Variants in CPM observed in about 807,000 individuals in gnomAD.
CPM encodes carboxypeptidase M.
A neutral mutation model predicts 46.4 loss-of-function variants in CPM; 35 were observed. The ratio of observed to expected loss-of-function variants is 0.75; its 90% CI spans 0.58 to 1.00. The LOEUF (loss-of-function observed/expected upper bound fraction) is 1.00. Ranked by LOEUF, CPM falls within the 50% of genes least tolerant of loss-of-function variation. CPM has a pLI of 0.00. For missense variants in CPM, 422 were observed against 530.4 expected, an observed-to-expected ratio of 0.80 and a Z score of 2.01; for synonymous variants, 195 against 195.3, an observed-to-expected ratio of 1.00 and a Z score of 0.01.
chr12:68,890,910 C>T (rs1425280387), intron 2 of CPM, among the ~76,000 whole-genome samples: 2 of 152,322 alleles, frequency 1.3e-5, no homozygotes, highest in East Asian at 1.9e-4. Context: ...TCCAGTTTTT[C>T]GTGAGGCTTG....
rs1885714721 is a variant in CPM, at chr12:68,871,879, A to T, written c.336T>A (p.Asn112Lys). 1.2e-6 allele frequency: 2 copies of T among 1,614,116 alleles called. No individual in the cohort carries two copies. The highest frequency in any genetic ancestry group is 1.7e-6 in the Non-Finnish European group (2 of 1,180,012). ...TGTGTATCCGGGTACTATTGATCAGATTTGTGATTTCAGGGTCTTTGCCAT... is the reference window on the plus strand; with the variant it reads ...TGTGTATCCGGGTACTATTGATCAGTTTTGTGATTTCAGGGTCTTTGCCAT... ...TSDGKDPEIT[N>K]LINSTRIHIM... Residue 112 changes from asparagine to lysine, a missense_variant, in exon 4 of 9, where the codon AAT becomes AAA. Physicochemically the swap from Asn to Lys is moderately conservative, Grantham distance 94. Coordinates refer to ENST00000551568, the MANE Select transcript of CPM (RefSeq NM_198320.5).
At chr12:68,902,900 T>A (rs1264634432) in intron 2 of CPM, among the ~76,000 whole-genome samples, 1 of 152,134 alleles carries the variant, frequency 6.6e-6, no homozygotes. Flanking sequence ...ACTTCCCAAA[T>A]AAAGTAAGAG....
intron 3 of CPM, among the ~76,000 whole-genome samples, chr12:68,884,856 G>A (rs1886362234): frequency 6.6e-6 from 1 of 152,174 alleles, no homozygotes; most frequent in South Asian, 2.1e-4. Context: ...AGTGGTAAAT[G>A]GTATTTTGTA....
chr12:68,945,996 G>T (rs1888841000), intron 1 of CPM, among the ~76,000 whole-genome samples: 1 of 151,650 alleles, frequency 6.6e-6, no homozygotes, highest in Non-Finnish European at 1.5e-5. Flanking sequence ...GGGACTACAG[G>T]TGTGCACCAC....
intron 1 of CPM, among the ~76,000 whole-genome samples, chr12:68,948,629 GAA>G (rs2136334127): frequency 6.6e-6 from 1 of 152,262 alleles, no homozygotes; most frequent in East Asian, 1.9e-4. Flanking sequence ...CAGTCAGAAT[GAA>G]GCTTGGTTGC....
intron 2 of CPM, among the ~76,000 whole-genome samples, chr12:68,891,334 C>T (rs1886647200): frequency 6.6e-6 from 1 of 152,194 alleles, no homozygotes; most frequent in East Asian, 1.9e-4. Context: ...TTCACACGCC[C>T]TCTGTATTTG....
intron 8 of CPM, 147 bp from the exon 9 acceptor site, chr12:68,856,826 G>A: frequency 9.5e-7 from 1 of 1,051,232 alleles, no homozygotes; most frequent in Non-Finnish European, 1.4e-6. Flanking sequence ...AACAGATTTG[G>A]TCCTGCAGGC....
exon 1 of CPM, chr12:68,963,217 C>A: frequency 1.0e-5 from 2 of 198,096 alleles, no homozygotes; most frequent in South Asian, 1.1e-4. Context: ...AGGGTCCTGT[C>A]CCATACGCAG....
At chr12:68,885,712 G>T in intron 3 of CPM, 80 bp downstream of exon 3, 2 of 1,140,586 alleles carry the variant, frequency 1.8e-6, no homozygotes, top group South Asian at 1.4e-5. Context: ...AGGCTTCCTC[G>T]GTAGCATTTA....
chr12:68,859,024 C>T lies in CPM; in HGVS notation c.988G>A (p.Val330Ile). ...FDQNGNPLPNVIVEVQDRKHI... is the reference protein window; with the variant it reads ...FDQNGNPLPNIIVEVQDRKHI... ...TTTCTGTCTTGGACTTCCACAATTA[C>T]ATTGGGTAATGGATTTCCATTCTGA... Residue 330 changes from valine (V) to isoleucine (I), a missense_variant, in exon 8 of 9, where the codon GTA becomes ATA. Physicochemically the swap from Val to Ile is conservative, Grantham distance 29. Coordinates refer to ENST00000551568, the MANE Select transcript of CPM (RefSeq NM_198320.5). 2.6e-6 allele frequency: 4 copies of T among 1,567,844 alleles called. No individual in the cohort carries two copies. Among genetic ancestry groups the T allele is most frequent in the Non-Finnish European group, 3.5e-6 (4 of 1,157,266 alleles).
At chr12:68,866,746 T>A in intron 7 of CPM, 150 bp downstream of exon 7, 1 of 670,768 alleles carries the variant, frequency 1.5e-6, no homozygotes, top group Non-Finnish European at 2.6e-6. Flanking sequence ...CAGATACTCA[T>A]GCAGAGAGAA....
intron 1 of CPM, among the ~76,000 whole-genome samples, chr12:68,947,646 T>A (rs1888869373): frequency 6.6e-6 from 1 of 151,686 alleles, no homozygotes; most frequent in Non-Finnish European, 1.5e-5. Context: ...CTAATTTTAT[T>A]TATTATTATT....
chr12:68,954,961 G>C (rs1240958358), intron 1 of CPM, among the ~76,000 whole-genome samples: 3 of 152,232 alleles, frequency 2.0e-5, no homozygotes, highest in African/African-American at 7.2e-5. Context: ...GCCAGCACCT[G>C]TGCTGGTGCC....
At chr12:68,950,063 C>G (rs922806652) in intron 1 of CPM, among the ~76,000 whole-genome samples, 2 of 152,104 alleles carry the variant, frequency 1.3e-5, no homozygotes, top group Non-Finnish European at 2.9e-5. Flanking sequence ...TTCACGTGCT[C>G]ATGCCTGGAG....
intron 1 of CPM, among the ~76,000 whole-genome samples, chr12:68,960,405 G>A (rs773878535): frequency 1.1e-4 from 16 of 152,194 alleles, no homozygotes; most frequent in South Asian, 2.1e-4. Flanking sequence ...TCTCTGAAAC[G>A]TGGATGTAAC....
intron 2 of CPM, among the ~76,000 whole-genome samples, chr12:68,890,085 T>C (rs1210733635): frequency 2.0e-5 from 3 of 152,142 alleles, no homozygotes; most frequent in African/African-American, 4.8e-5. Context: ...GTGTTTTCTG[T>C]TGGCGCGCTC....
chr12:68,952,267 C>G (rs1450047196), intron 1 of CPM, among the ~76,000 whole-genome samples: 1 of 152,184 alleles, frequency 6.6e-6, no homozygotes, highest in Non-Finnish European at 1.5e-5. Flanking sequence ...CAAGGAAATG[C>G]CTCCACTGGG....
intron 2 of CPM, among the ~76,000 whole-genome samples, chr12:68,924,713 G>C (rs1387409944): frequency 6.6e-6 from 1 of 152,112 alleles, no homozygotes; most frequent in Non-Finnish European, 1.5e-5. Context: ...CATCACAATA[G>C]GCATTTTATA....
At chr12:68,919,530 T>C (rs909261884) in intron 2 of CPM, among the ~76,000 whole-genome samples, 2 of 152,144 alleles carry the variant, frequency 1.3e-5, no homozygotes, top group East Asian at 3.8e-4. Context: ...GTGTAAAAAA[T>C]GTTTGGAAGT....
Sources: allele counts gnomAD v4.1 joint callset (sites outside exome capture counted in the v4.1 genomes callset), GRCh38; gene constraint gnomAD v4.1.1; transcripts MANE v1.5; gene names NCBI Gene and HGNC (gene_info 2026-07-23, HGNC 2026-07-21).